Variants in NSRP1 observed in about 807,000 individuals in gnomAD.
NSRP1 encodes nuclear speckle splicing regulatory protein 1.
In NSRP1, 24 loss-of-function variants were observed where a neutral mutation model predicts 54.7. That is an observed-to-expected ratio of 0.44 (90% confidence interval 0.32 to 0.62). The LOEUF is 0.62. Ranked by LOEUF, NSRP1 falls within the 20% of genes least tolerant of loss-of-function variation. The pLI is 0.06. For missense variants in NSRP1, 596 were observed against 651.2 expected (o/e 0.92, Z 0.92); for synonymous variants, 210 against 213.8 (o/e 0.98, Z 0.15).
chr17:30,138,348 G>T (rs544407544), intron 2 of NSRP1, among the ~76,000 whole-genome samples: 11 of 152,046 alleles, frequency 7.2e-5, no homozygotes, highest in African/African-American at 2.7e-4. Context: ...TTGTCCCTTG[G>T]TGTCCTTGGG....
At chr17:30,163,884 C>T (rs1316846025) in intron 2 of NSRP1, among the ~76,000 whole-genome samples, 2 of 151,838 alleles carry the variant, frequency 1.3e-5, no homozygotes, top group African/African-American at 4.8e-5. Flanking sequence ...CGAGGTTTTA[C>T]CACGTTGGCA....
chr17:30,145,770 T>A (rs1345043068), intron 2 of NSRP1, among the ~76,000 whole-genome samples: 2 of 152,136 alleles, frequency 1.3e-5, no homozygotes, highest in Non-Finnish European at 2.9e-5. Context: ...GTGGGTCATC[T>A]TCATTATGTT....
rs1905518479 is a variant in NSRP1, at chr17:30,185,910, C to T, written c.*236C>T. On this transcript the variant is annotated 3_prime_UTR_variant, in exon 7 of 7. Coordinates refer to ENST00000247026, the MANE Select transcript of NSRP1 (RefSeq NM_032141.4). ...CCACATTCTTTGTTGTATTCAAGAA[C>T]CGTTAAGAGTGTGCTAATTCCCTGT... 3.1e-6 allele frequency: 1 copy of T among 324,482 alleles called. No individual in the cohort carries two copies. The highest frequency in any genetic ancestry group is 2.1e-5 in the African/African-American group (1 of 46,772). The allele number at this position is 324,482 out of a possible 1,614,324, so 20.1% of individuals were successfully genotyped here. A position where few individuals can be genotyped will look rare whatever the true frequency, so the allele number is the denominator to read the frequency against.
chr17:30,149,427 C>T (rs528041316), intron 2 of NSRP1, among the ~76,000 whole-genome samples: 1 of 152,238 alleles, frequency 6.6e-6, no homozygotes, highest in South Asian at 2.1e-4. Flanking sequence ...TATTCTTGAT[C>T]TATTTGTTAT....
At chr17:30,136,197 T>A (rs2151884253) in intron 2 of NSRP1, among the ~76,000 whole-genome samples, 1 of 152,286 alleles carries the variant, frequency 6.6e-6, no homozygotes, top group East Asian at 1.9e-4. Context: ...GAGTATTGGG[T>A]ATGATACAAT....
In NSRP1 at chr17:30,178,200, G is replaced by T. The variant is rs752699405; in HGVS notation, c.300+1G>T. The stretch of plus-strand genomic sequence containing the variant: ...ATTGCTTTTGGGGAAAGACAGAAAG[G>T]TTTGTAAGCTGAAATAACAAACTTT... On this transcript the variant is annotated splice_donor_variant, in intron 4 of 6. Transcript: ENST00000247026. LOFTEE classifies it high-confidence loss of function. 1.3e-6 allele frequency: 2 copies of T among 1,589,744 alleles called. No homozygotes were observed. Among genetic ancestry groups the T allele is most frequent in the Non-Finnish European group, 1.7e-6 (2 of 1,174,210 alleles).
intron 6 of NSRP1, among the ~76,000 whole-genome samples, chr17:30,181,682 C>G (rs1905305200): frequency 6.7e-6 from 1 of 150,206 alleles, no homozygotes; most frequent in South Asian, 2.1e-4. Flanking sequence ...GCGATCTCTG[C>G]TTACTGCAAC....
intron 2 of NSRP1, among the ~76,000 whole-genome samples, chr17:30,151,363 C>CAGT (rs1201218605): frequency 2.6e-5 from 4 of 152,108 alleles, no homozygotes; most frequent in African/African-American, 9.7e-5. Flanking sequence ...ACTTAACCAC[C>CAGT]AGTAGCCTAT....
Position 30,181,000 on chromosome 17 carries a change from A to G in NSRP1, c.601A>G (p.Ser201Gly). 1 of 1,608,188 alleles carries G rather than the reference A, an allele frequency of 6.2e-7. No homozygotes were observed. The highest frequency in any genetic ancestry group is 8.5e-7 in the Non-Finnish European group (1 of 1,174,682). The stretch of plus-strand genomic sequence containing the variant: ...TGGTGAAGAGGAAGTACCTAAATGC[A>G]GCTTTCGTGAAGCCAGGTGAGGAGA... ...AVGEEEVPKC[S>G]FREARSGIKE... is the part of the protein sequence containing the mutation. Residue 201 changes from serine to glycine, a missense_variant, in exon 6 of 7, where the codon AGC becomes GGC. By Grantham distance (56) the Ser-to-Gly change is moderately conservative. Transcript: ENST00000247026.
chr17:30,150,237 T>C (rs62070345), intron 2 of NSRP1: 84,272 of 151,062 alleles, frequency 0.56, 24,186 homozygotes, highest in East Asian at 0.82. Context: ...GGCACCACCA[T>C]GCCTGGCTAA....
chr17:30,118,285 A>G, intron 2 of NSRP1, 112 bp downstream of exon 2: 1 of 668,882 alleles, frequency 1.5e-6, no homozygotes, highest in Non-Finnish European at 2.5e-6. Context: ...AGTGGAGTAT[A>G]ATTTACAGAA....
intron 2 of NSRP1, among the ~76,000 whole-genome samples, chr17:30,136,348 A>G (rs1004097777): frequency 6.6e-6 from 1 of 152,026 alleles, no homozygotes; most frequent in Admixed American, 6.6e-5. Context: ...GTTCAATACC[A>G]TATTATTTCA....
intron 2 of NSRP1, among the ~76,000 whole-genome samples, chr17:30,167,187 G>A (rs1360351972): frequency 6.6e-6 from 1 of 152,136 alleles, no homozygotes; most frequent in Non-Finnish European, 1.5e-5. Flanking sequence ...ATGACCTCCA[G>A]TTCCTTCCAT....
intron 6 of NSRP1, among the ~76,000 whole-genome samples, chr17:30,181,349 G>C (rs1259422864): frequency 6.6e-6 from 1 of 151,372 alleles, no homozygotes; most frequent in Non-Finnish European, 1.5e-5. Flanking sequence ...ACAAGGGAGA[G>C]CAAAATCTTC....
At chr17:30,149,366 T>G (rs967386496) in intron 2 of NSRP1, among the ~76,000 whole-genome samples, 3 of 152,200 alleles carry the variant, frequency 2.0e-5, no homozygotes, top group African/African-American at 7.2e-5. Flanking sequence ...TTTATTCTTA[T>G]GTTTTATTGT....
At chr17:30,119,376 C>T (rs1300307592) in intron 2 of NSRP1, among the ~76,000 whole-genome samples, 1 of 151,968 alleles carries the variant, frequency 6.6e-6, no homozygotes, top group Non-Finnish European at 1.5e-5. Flanking sequence ...CCACGCCCAG[C>T]TAATTTTTAT....
rs1905494422 is a variant in NSRP1 at position 30,185,411 on chromosome 17, T to C, written c.1414T>C (p.Ser472Pro). The C allele has an allele frequency of 6.2e-7, 1 of 1,609,742 alleles. No homozygotes were observed. Among genetic ancestry groups the C allele is most frequent in the Non-Finnish European group, 8.5e-7 (1 of 1,179,044 alleles). The change falls in exon 7 of 7, where the codon TCC (serine) becomes CCC (proline). Residue 472 changes from serine to proline, a missense_variant. Ser to Pro is a moderately conservative substitution (Grantham distance 74). Coordinates refer to ENST00000247026, the MANE Select transcript of NSRP1 (RefSeq NM_032141.4). ...GGATAAATTTCTTGACCAAGAAAGA[T>C]CCAACAAAATGAGAAACATGGCAAA... ...AKDKFLDQER[S>P]NKMRNMAKDK...
chr17:30,162,737 T>G (rs866896998), intron 2 of NSRP1, among the ~76,000 whole-genome samples: 5 of 152,168 alleles, frequency 3.3e-5, no homozygotes, highest in Non-Finnish European at 4.4e-5. Context: ...TCAGAACCCT[T>G]TACTAAATTT....
At chr17:30,171,965 CA>C (rs1904950712) in intron 2 of NSRP1, among the ~76,000 whole-genome samples, 5 of 136,624 alleles carry the variant, frequency 3.7e-5, no homozygotes, top group East Asian at 2.3e-4. Context: ...CACACACACA[CA>C]CACACACTCC....
Sources: allele counts gnomAD v4.1 joint callset (sites outside exome capture counted in the v4.1 genomes callset), GRCh38; gene constraint gnomAD v4.1.1; transcripts MANE v1.5; gene names NCBI Gene and HGNC (gene_info 2026-07-23, HGNC 2026-07-21).